Variants in STX8 observed in about 807,000 individuals in gnomAD.
STX8 encodes the protein syntaxin-8.
In STX8, 23 loss-of-function variants were observed where a neutral mutation model predicts 37.5. That is an observed-to-expected ratio of 0.61 (90% CI 0.44 to 0.87). The LOEUF is 0.87. STX8 is among the 40% of genes least tolerant of loss of function. The pLI, the probability that STX8 is intolerant of heterozygous loss-of-function variation, is 0.00. For missense variants in STX8, 313 were observed against 284.7 expected, an observed-to-expected ratio of 1.10 and a Z score of -0.71; for synonymous variants, 115 against 99.1, an observed-to-expected ratio of 1.16 and a Z score of -0.95.
chr17:9,547,630 AAAAAAAAAAG>A (rs1446598314), intron 3 of STX8, among the ~76,000 whole-genome samples: 1 of 137,394 alleles, frequency 7.3e-6, no homozygotes, highest in Non-Finnish European at 1.6e-5. Context: ...TCCGTCTCAA[AAAAAAAAAAG>A]AAAAAAGAAA....
At chr17:9,254,068 C>T (rs1371858648) in intron 7 of STX8, among the ~76,000 whole-genome samples, 2 of 152,128 alleles carry the variant, frequency 1.3e-5, no homozygotes, top group African/African-American at 4.8e-5. Flanking sequence ...ATCAGGTCAC[C>T]TCCTTGCTTA....
At chr17:9,336,920 T>C (rs1354171342) in intron 7 of STX8, among the ~76,000 whole-genome samples, 2 of 152,328 alleles carry the variant, frequency 1.3e-5, no homozygotes, top group East Asian at 3.9e-4. Flanking sequence ...AGAAATGAAG[T>C]TCTGAACATT....
At position 9,505,041 on chromosome 17, in the gene STX8, G is replaced by C; in HGVS notation, c.445C>G (p.Gln149Glu). 6.3e-7 allele frequency: 1 copy of C among 1,599,418 alleles called. No homozygotes were observed. Among genetic ancestry groups the C allele is most frequent in the Non-Finnish European group, 8.5e-7 (1 of 1,171,704 alleles). The change falls in exon 5 of 8, where the codon CAA becomes GAA. Residue 149 changes from glutamine (Q) to glutamate (E), a missense_variant. Physicochemically the swap from Gln to Glu is conservative, Grantham distance 29. Coordinates refer to ENST00000306357, the MANE Select transcript of STX8 (RefSeq NM_004853.3). ...CACTCCTCAGGATATTTAGTACCTT[G>C]GATAATTTTCTGCTGCTGTTGCCGG... Reference protein sequence around the residue: ...EIRQQQQKIIQEQDAGLDALS... With the variant: ...EIRQQQQKIIEEQDAGLDALS...
At chr17:9,435,303 C>T (rs887889611) in intron 6 of STX8, among the ~76,000 whole-genome samples, 2 of 151,986 alleles carry the variant, frequency 1.3e-5, no homozygotes, top group South Asian at 2.1e-4. Flanking sequence ...CAGATTGAAA[C>T]GTTAACATCT....
Position 9,453,734 on chromosome 17 carries a change from C to T in STX8, c.541+38095G>A, listed in dbSNP as rs570501461. On this transcript the variant is annotated intron_variant, in intron 6 of 7. Transcript: ENST00000306357. ...TCTCAAACTCCTGACCTCAGGTGAT[C>T]CACCCACCTCAGCCTCTAAAAGTGC... Among the ~76,000 whole-genome samples, 5 of 152,226 alleles carry T rather than the reference C, an allele frequency of 3.3e-5. No individual in the cohort carries two copies. In the South Asian group the frequency reaches 1.0e-3, roughly 32 times the overall value.
chr17:9,395,162 T>C, intron 6 of STX8, among the ~76,000 whole-genome samples: 1 of 152,140 alleles, frequency 6.6e-6, no homozygotes, highest in East Asian at 1.9e-4. Context: ...AATGTAAGTA[T>C]ATATTCATTA....
chr17:9,351,538 GA>G, intron 7 of STX8, among the ~76,000 whole-genome samples: 1 of 152,106 alleles, frequency 6.6e-6, no homozygotes, highest in Admixed American at 6.6e-5. Flanking sequence ...TTAATCTGAA[GA>G]ATTTTAACAC....
chr17:9,481,859 C>T (rs571733474), intron 6 of STX8, among the ~76,000 whole-genome samples: 2 of 152,272 alleles, frequency 1.3e-5, no homozygotes, highest in Non-Finnish European at 2.9e-5. Flanking sequence ...ACACTCCTTA[C>T]GACAATCTGA....
chr17:9,385,332 G>T (rs770088900), intron 6 of STX8, among the ~76,000 whole-genome samples: 2 of 152,106 alleles, frequency 1.3e-5, no homozygotes, highest in Non-Finnish European at 2.9e-5. Flanking sequence ...TCTATCAAGA[G>T]AAATTTTCTG....
At chr17:9,511,007 G>A (rs1318263432) in intron 4 of STX8, among the ~76,000 whole-genome samples, 2 of 152,048 alleles carry the variant, frequency 1.3e-5, no homozygotes, top group Non-Finnish European at 2.9e-5. Context: ...AAAAAACCTA[G>A]AGGAAATGGA....
intron 4 of STX8, among the ~76,000 whole-genome samples, chr17:9,511,398 A>C (rs963687093): frequency 6.6e-6 from 1 of 152,182 alleles, no homozygotes; most frequent in African/African-American, 2.4e-5. Flanking sequence ...TCAAAAAGAT[A>C]ATATACCATG....
chr17:9,434,598 G>A (rs1268174996), intron 6 of STX8, among the ~76,000 whole-genome samples: 1 of 152,220 alleles, frequency 6.6e-6, no homozygotes. Flanking sequence ...TCAGTGACTG[G>A]CTGCAGATGT....
chr17:9,305,105 AT>A (rs892736634), intron 7 of STX8, among the ~76,000 whole-genome samples: 29 of 151,384 alleles, frequency 1.9e-4, no homozygotes, highest in African/African-American at 7.0e-4. Flanking sequence ...TATTATTATT[AT>A]TTTTTGAGAT....
At chr17:9,524,828 G>A (rs1196301967) in intron 4 of STX8, among the ~76,000 whole-genome samples, 3 of 143,472 alleles carry the variant, frequency 2.1e-5, no homozygotes, top group Admixed American at 1.4e-4. Flanking sequence ...TTTTTTTTGA[G>A]ATGGGGTGTC....
chr17:9,484,682 C>T (rs1156919533), intron 6 of STX8, among the ~76,000 whole-genome samples: 1 of 140,958 alleles, frequency 7.1e-6, no homozygotes, highest in Non-Finnish European at 1.6e-5. Flanking sequence ...AAAAAATTAG[C>T]CGGGCATGGT....
At chr17:9,480,897 T>TC in intron 6 of STX8, among the ~76,000 whole-genome samples, 12 of 151,986 alleles carry the variant, frequency 7.9e-5, no homozygotes, top group African/African-American at 2.9e-4. Context: ...TTTCTTTCTT[T>TC]TTTTTGAGGT....
At chr17:9,479,833 C>G (rs1437187376) in intron 6 of STX8, among the ~76,000 whole-genome samples, 4 of 152,004 alleles carry the variant, frequency 2.6e-5, no homozygotes, top group Non-Finnish European at 4.4e-5. Flanking sequence ...TGGCCCCCTC[C>G]TGCCAGCTCT....
At chr17:9,525,642 G>A (rs557549886) in intron 4 of STX8, among the ~76,000 whole-genome samples, 29 of 152,122 alleles carry the variant, frequency 1.9e-4, no homozygotes, top group African/African-American at 6.7e-4. Flanking sequence ...CACCGTGCCC[G>A]GCCCAGATTT....
chr17:9,401,710 TAGG>T (rs1186074195), intron 6 of STX8, among the ~76,000 whole-genome samples: 2 of 152,310 alleles, frequency 1.3e-5, no homozygotes, highest in Admixed American at 6.5e-5. Context: ...CTCTTTCTTA[TAGG>T]AGATCTCTGA....
Sources: allele counts gnomAD v4.1 joint callset (sites outside exome capture counted in the v4.1 genomes callset), GRCh38; gene constraint gnomAD v4.1.1; transcripts MANE v1.5; gene names NCBI Gene and HGNC (gene_info 2026-07-23, HGNC 2026-07-21).